Variants in NELL1 observed in about 807,000 individuals in gnomAD.
NELL1 encodes the protein neural EGFL like 1, also known as protein kinase C-binding protein NELL1.
A neutral mutation model predicts 107.4 loss-of-function variants in NELL1; 76 were observed. That is an observed-to-expected ratio of 0.71 (90% CI 0.59 to 0.86). The LOEUF (loss-of-function observed/expected upper bound fraction) is 0.86. Ranked by LOEUF, NELL1 falls within the 40% of genes least tolerant of loss-of-function variation. NELL1 has a pLI of 0.00. For synonymous variants in NELL1, 353 were observed against 341.2 expected (o/e 1.03, Z -0.38); for missense variants, 1,024 against 1,005.5 (o/e 1.02, Z -0.25).
At chr11:21,375,487 G>A (rs922469688) in intron 15 of NELL1, among the ~76,000 whole-genome samples, 1 of 151,994 alleles carries the variant, frequency 6.6e-6, no homozygotes, top group East Asian at 1.9e-4. Context: ...ATTTGTGAAT[G>A]TCTACTGTGA....
chr11:21,491,855 G>A (rs888161896), intron 15 of NELL1, among the ~76,000 whole-genome samples: 1 of 151,996 alleles, frequency 6.6e-6, no homozygotes, highest in African/African-American at 2.4e-5. Context: ...CCATTTGTTT[G>A]TATCCTCTTT....
rs546087839 is a variant in NELL1 at position 21,409,699 on chromosome 11, G to A, written c.1645+38751G>A. ...AACGTGAGTATAGATTTTCCGTCTC[G>A]AAATTATAAGGCTATTACATTGACA... is the stretch of plus-strand genomic sequence containing the variant. On this transcript the variant is annotated intron_variant, in intron 15 of 19. Transcript: ENST00000357134. Among the ~76,000 whole-genome samples, 42 of 152,058 alleles carry A rather than the reference G, an allele frequency of 2.8e-4. 1 individual carries two copies. In the South Asian group the frequency reaches 4.4e-3, roughly 16 times the overall value.
At chr11:21,073,908 G>T (rs1192435138) in intron 12 of NELL1, among the ~76,000 whole-genome samples, 2 of 152,012 alleles carry the variant, frequency 1.3e-5, no homozygotes, top group Non-Finnish European at 2.9e-5. Context: ...TTTTAAAGAG[G>T]CTTCTTTTAG....
rs192074153 is a variant in NELL1 at position 20,924,709 on chromosome 11, G to A, written c.760-2599G>A. Among the ~76,000 whole-genome samples the A allele has an allele frequency of 1.3e-4, 20 of 152,248 alleles. No individual in the cohort carries two copies. The East Asian group carries it at 3.1e-3, about 24-fold the overall frequency. ...GGCACGTATGGGTCCTCTCACAAAG[G>A]TACACAATTCTGAGACCCTTTTAGG... On this transcript the variant is annotated intron_variant, in intron 7 of 19. Coordinates refer to ENST00000357134, the MANE Select transcript of NELL1 (RefSeq NM_006157.5).
chr11:21,132,058 C>A (rs1855630711), intron 13 of NELL1, among the ~76,000 whole-genome samples: 1 of 152,060 alleles, frequency 6.6e-6, no homozygotes, highest in Non-Finnish European at 1.5e-5. Context: ...AAATATCACC[C>A]CTCTGGCATT....
chr11:21,219,313 A>G (rs576220954), intron 13 of NELL1, among the ~76,000 whole-genome samples: 1 of 152,132 alleles, frequency 6.6e-6, no homozygotes, highest in African/African-American at 2.4e-5. Flanking sequence ...TTATTTGCCA[A>G]TTTTTATTTT....
chr11:20,865,528 C>T (rs929719823), intron 4 of NELL1, among the ~76,000 whole-genome samples: 4 of 151,390 alleles, frequency 2.6e-5, no homozygotes, highest in African/African-American at 9.7e-5. Flanking sequence ...CCTGCATGGG[C>T]TGCATCTGTG....
chr11:21,356,637 T>A (rs1247859222), intron 14 of NELL1, among the ~76,000 whole-genome samples: 1 of 152,216 alleles, frequency 6.6e-6, no homozygotes, highest in Non-Finnish European at 1.5e-5. Flanking sequence ...GCATAGTAGA[T>A]GCTTGATAAT....
intron 14 of NELL1, among the ~76,000 whole-genome samples, chr11:21,321,838 C>A (rs116998891): frequency 0.018 from 2,697 of 152,324 alleles, 29 homozygotes; most frequent in Non-Finnish European, 0.027. Context: ...CAGCAGTCAA[C>A]AAAGTGGGCA....
chr11:20,786,823 A>G (rs1285871145), intron 3 of NELL1, among the ~76,000 whole-genome samples: 5 of 151,808 alleles, frequency 3.3e-5, no homozygotes, highest in Non-Finnish European at 7.4e-5. Flanking sequence ...CCTGGCTAAC[A>G]CGGTGAAACC....
intron 15 of NELL1, among the ~76,000 whole-genome samples, chr11:21,426,680 T>C (rs1168193225): frequency 6.6e-6 from 1 of 152,144 alleles, no homozygotes; most frequent in Non-Finnish European, 1.5e-5. Flanking sequence ...CAGTCACAAG[T>C]ACAACATGGT....
At position 20,677,933 on chromosome 11, in the gene NELL1, G is replaced by T. The variant is rs375070486; in HGVS notation, c.57G>T (p.Val19=). The T allele has an allele frequency of 1.9e-6, 3 of 1,614,026 alleles. No homozygotes were observed. The highest frequency in any genetic ancestry group is 2.2e-5 in the South Asian group (2 of 91,044). Reference sequence around the variant, plus strand: ...AAACAACTCTTTGTTCCTTTCCAGTGGTGGGCTTTGGGATGGACCCTGACC... The same window carrying T: ...AAACAACTCTTTGTTCCTTTCCAGTTGTGGGCTTTGGGATGGACCCTGACC... ...VWFCVCTART[V]VGFGMDPDLQ... The change falls in exon 2 of 20, where the codon GTG becomes GTT. Residue 19 remains valine (V), a splice_region_variant and synonymous_variant. Coordinates refer to ENST00000357134, the MANE Select transcript of NELL1 (RefSeq NM_006157.5).
intron 12 of NELL1, among the ~76,000 whole-genome samples, chr11:21,013,203 C>A (rs1358325734): frequency 6.6e-6 from 1 of 152,122 alleles, no homozygotes. Flanking sequence ...TATCACTGTT[C>A]TAATTTTTTG....
At chr11:20,814,143 A>T (rs61880395) in intron 3 of NELL1, among the ~76,000 whole-genome samples, 462 of 5,082 alleles carry the variant, frequency 0.091, 3 homozygotes, top group African/African-American at 0.14. Flanking sequence ...CTACAGGCGC[A>T]CACCGCCACG....
intron 3 of NELL1, among the ~76,000 whole-genome samples, chr11:20,792,708 C>A (rs888328170): frequency 6.6e-6 from 1 of 151,860 alleles, no homozygotes; most frequent in African/African-American, 2.4e-5. Flanking sequence ...CTTGAATAAA[C>A]TTACATTAAC....
chr11:21,461,067 A>C (rs2133872129), intron 15 of NELL1, among the ~76,000 whole-genome samples: 1 of 152,240 alleles, frequency 6.6e-6, no homozygotes, highest in East Asian at 1.9e-4. Flanking sequence ...TTGTGTTTTA[A>C]TTAACATTCT....
chr11:20,825,302 T>C (rs7938321), intron 3 of NELL1, among the ~76,000 whole-genome samples: 101,608 of 150,934 alleles, frequency 0.67, 35,743 homozygotes, highest in Non-Finnish European at 0.74. Context: ...CTAGTAGAGA[T>C]GTGAGAAGAG....
chr11:21,121,958 A>G (rs1320148532), intron 13 of NELL1, among the ~76,000 whole-genome samples: 2 of 152,190 alleles, frequency 1.3e-5, no homozygotes, highest in Non-Finnish European at 2.9e-5. Context: ...GGTTTATTAA[A>G]TCCAGCACAT....
chr11:21,191,893 A>T lies in NELL1; in HGVS notation c.1427-37439A>T, dbSNP rs193222015. Reference sequence around the variant, plus strand: ...ATTTTAACTAAAGCATTATTCAAATATAACTTCTTGTTATAATTTAGCTTA... The same window carrying T: ...ATTTTAACTAAAGCATTATTCAAATTTAACTTCTTGTTATAATTTAGCTTA... On this transcript the variant is annotated intron_variant, in intron 13 of 19. Transcript: ENST00000357134. Among the ~76,000 whole-genome samples the T allele has an allele frequency of 6.9e-4, 105 of 152,062 alleles. 1 individual carries two copies. Among genetic ancestry groups the T allele is most frequent in the Non-Finnish European group, 9.4e-4 (64 of 68,032 alleles).
Sources: allele counts gnomAD v4.1 joint callset (sites outside exome capture counted in the v4.1 genomes callset), GRCh38; gene constraint gnomAD v4.1.1; transcripts MANE v1.5; gene names NCBI Gene and HGNC (gene_info 2026-07-23, HGNC 2026-07-21).